The following CTNNA3 variants were observed in gnomAD, a reference collection of about 807,000 sequenced individuals.
CTNNA3 encodes catenin alpha 3, also known as catenin alpha-3.
CTNNA3 carries 76 observed loss-of-function variants against 95.7 expected under a neutral mutation model. That is an observed-to-expected ratio of 0.79 (90% CI 0.66 to 0.96). The LOEUF is 0.96. Among genes scored for constraint, CTNNA3 ranks in the 40% least tolerant of loss-of-function variants. The pLI is 0.00. For missense variants in CTNNA3, 1,191 were observed against 1,089.8 expected (o/e 1.09, Z -1.31); for synonymous variants, 431 against 374.4 (o/e 1.15, Z -1.74).
At chr10:66,461,537 T>A (rs1240796894) in intron 11 of CTNNA3, among the ~76,000 whole-genome samples, 1 of 151,926 alleles carries the variant, frequency 6.6e-6, no homozygotes, top group Non-Finnish European at 1.5e-5. Context: ...CATCCCTGCT[T>A]CTTGGGTAGT....
Position 67,163,021 on chromosome 10 carries a change from C to T in CTNNA3, c.1047+17296G>A, listed in dbSNP as rs138278035. Among the ~76,000 whole-genome samples, 953 of 151,978 alleles carry T rather than the reference C, an allele frequency of 6.3e-3. 10 individuals carry two copies. The highest frequency in any genetic ancestry group is 0.022 in the African/African-American group (910 of 41,538). On this transcript the variant is annotated intron_variant, in intron 7 of 17. Transcript: ENST00000433211. ...AAACTCCTGGAAAAGAAATCTCCAT[C>T]CCCAGATGGTTTTCTTGGAGAACAC...
chr10:65,988,184 T>A (rs960552083), intron 16 of CTNNA3, among the ~76,000 whole-genome samples: 1 of 152,090 alleles, frequency 6.6e-6, no homozygotes, highest in Non-Finnish European at 1.5e-5. Context: ...AGATTTTGAA[T>A]GTGTTCAAAA....
intron 5 of CTNNA3, among the ~76,000 whole-genome samples, chr10:67,361,558 A>C (rs1203142586): frequency 6.6e-6 from 1 of 152,174 alleles, no homozygotes; most frequent in African/African-American, 2.4e-5. Flanking sequence ...AAAAAATAGA[A>C]AATTATTTGA....
chr10:66,611,406 A>G (rs1252469565), intron 10 of CTNNA3, among the ~76,000 whole-genome samples: 1 of 152,126 alleles, frequency 6.6e-6, no homozygotes, highest in Non-Finnish European at 1.5e-5. Context: ...AATATATATA[A>G]CTATGATATA....
intron 13 of CTNNA3, among the ~76,000 whole-genome samples, chr10:66,159,376 A>G (rs933430242): frequency 3.9e-5 from 6 of 151,914 alleles, no homozygotes; most frequent in Non-Finnish European, 8.8e-5. Context: ...AAGCGATGCT[A>G]GATTTTGTCA....
chr10:66,054,589 T>C (rs1282784692), intron 15 of CTNNA3, among the ~76,000 whole-genome samples: 1 of 152,208 alleles, frequency 6.6e-6, no homozygotes, highest in Non-Finnish European at 1.5e-5. Flanking sequence ...TCCTATTGAG[T>C]TGTTCAAGCT....
chr10:65,950,023 CTG>C (rs1393229898), intron 17 of CTNNA3, among the ~76,000 whole-genome samples: 5 of 152,030 alleles, frequency 3.3e-5, no homozygotes, highest in African/African-American at 1.2e-4. Context: ...AGATGAGAAA[CTG>C]TGGAACAGAT....
At chr10:66,303,935 G>A (rs538306952) in intron 12 of CTNNA3, among the ~76,000 whole-genome samples, 3 of 152,114 alleles carry the variant, frequency 2.0e-5, no homozygotes, top group South Asian at 2.1e-4. Flanking sequence ...GTCCTCAGTA[G>A]AGCAAAGGAT....
chr10:67,671,188 T>C lies in CTNNA3; in HGVS notation c.-5-23670A>G, dbSNP rs12415451. Among the ~76,000 whole-genome samples the C allele has an allele frequency of 0.034, 5,148 of 152,176 alleles. 611 individuals carry two copies. The East Asian group carries it at 0.43, about 13-fold the overall frequency. On this transcript the variant is annotated intron_variant, in intron 1 of 17. Coordinates refer to ENST00000433211, the MANE Select transcript of CTNNA3 (RefSeq NM_013266.4). ...CAATGAGACGGTAAAGCTTTTGCTT[T>C]CCCTATCAAAAGGACATCAGCATCC...
At chr10:66,527,961 G>T (rs1841328228) in intron 10 of CTNNA3, among the ~76,000 whole-genome samples, 1 of 152,110 alleles carries the variant, frequency 6.6e-6, no homozygotes, top group African/African-American at 2.4e-5. Context: ...GTTGGATTTT[G>T]TCAGGCAAGT....
intron 9 of CTNNA3, among the ~76,000 whole-genome samples, chr10:66,692,566 A>G (rs1014539841): frequency 6.6e-6 from 1 of 152,170 alleles, no homozygotes. Flanking sequence ...GAACTTCCCC[A>G]ATCTAGCAAG....
chr10:66,911,765 T>C (rs1480945066), intron 7 of CTNNA3, among the ~76,000 whole-genome samples: 1 of 152,172 alleles, frequency 6.6e-6, no homozygotes, highest in Non-Finnish European at 1.5e-5. Flanking sequence ...CTACTTGGTA[T>C]TACTACAATA....
chr10:66,958,460 CTT>C lies in CTNNA3; in HGVS notation c.1048-182938_1048-182937del, dbSNP rs34122059. On this transcript the variant is annotated intron_variant, in intron 7 of 17. Coordinates refer to ENST00000433211, the MANE Select transcript of CTNNA3 (RefSeq NM_013266.4). ...TCTGCCTTTGTAGAAAAATAAAAAG[CTT>C]TTTTTTTTAAAAAAAATAGCATATA... Among the ~76,000 whole-genome samples the C allele has an allele frequency of 3.2e-3, 492 of 151,558 alleles. 1 individual carries two copies. Among genetic ancestry groups the C allele is most frequent in the African/African-American group, 0.011 (449 of 41,316 alleles).
At chr10:66,711,375 A>G (rs1290780715) in intron 9 of CTNNA3, among the ~76,000 whole-genome samples, 1 of 151,896 alleles carries the variant, frequency 6.6e-6, no homozygotes, top group Non-Finnish European at 1.5e-5. Context: ...ACAGCTATAT[A>G]TCATGAAATA....
chr10:66,580,117 C>T (rs956054931), intron 10 of CTNNA3, among the ~76,000 whole-genome samples: 2 of 151,454 alleles, frequency 1.3e-5, no homozygotes, highest in African/African-American at 4.8e-5. Context: ...TCTCTGTCTC[C>T]TCTGTTCAGC....
intron 17 of CTNNA3, among the ~76,000 whole-genome samples, chr10:65,927,126 T>C (rs192122414): frequency 1.9e-4 from 29 of 152,282 alleles, no homozygotes; most frequent in African/African-American, 7.0e-4. Context: ...TATTTTTGAA[T>C]CATACTCTAA....
chr10:67,477,214 G>A (rs373309129), intron 5 of CTNNA3, among the ~76,000 whole-genome samples: 1 of 151,742 alleles, frequency 6.6e-6, no homozygotes, highest in South Asian at 2.1e-4. Flanking sequence ...ATCCAAGGAG[G>A]TTTCCATCTC....
At chr10:66,594,758 A>G (rs754137685) in intron 10 of CTNNA3, among the ~76,000 whole-genome samples, 3 of 152,142 alleles carry the variant, frequency 2.0e-5, no homozygotes, top group Admixed American at 2.0e-4. Context: ...AGGCAACAGT[A>G]TGGATTATAA....
At chr10:67,667,766 A>G (rs1840357687) in intron 1 of CTNNA3, among the ~76,000 whole-genome samples, 1 of 152,078 alleles carries the variant, frequency 6.6e-6, no homozygotes, top group Admixed American at 6.5e-5. Flanking sequence ...TAAATATCAT[A>G]TTTTACATTT....
Sources: gnomAD v4.1 joint callset for allele counts (sites outside exome capture counted in the v4.1 genomes callset) on GRCh38, gnomAD v4.1.1 for gene constraint, MANE v1.5 for transcripts, NCBI Gene and HGNC (gene_info 2026-07-23, HGNC 2026-07-21) for gene names.